Variants in NAV2 observed in about 807,000 individuals in gnomAD.
NAV2 encodes the protein neuron navigator 2.
In NAV2, 54 loss-of-function variants were observed where a neutral mutation model predicts 223.2. The ratio of observed to expected loss-of-function variants is 0.24; its 90% CI spans 0.19 to 0.30. The LOEUF is 0.30. Ranked by LOEUF, NAV2 falls within the 10% of genes least tolerant of loss-of-function variation. The probability of loss-of-function intolerance (pLI) is 1.00; values close to 1 mark genes in which losing one functional copy is unlikely to be tolerated. For synonymous variants in NAV2, 1,279 were observed against 1,239.3 expected (o/e 1.03, Z -0.67); for missense variants, 2,806 against 3,147.5 (o/e 0.89, Z 2.60).
At chr11:19,381,705 T>C (rs1002391439) in intron 1 of NAV2, among the ~76,000 whole-genome samples, 1 of 152,184 alleles carries the variant, frequency 6.6e-6, no homozygotes, top group African/African-American at 2.4e-5. Context: ...GCACTGGGTA[T>C]AAGTGGACCA....
At position 20,068,218 on chromosome 11, in the gene NAV2, C is replaced by G. The variant is rs1591960839; in HGVS notation, c.4908+9C>G. On this transcript the variant is annotated intron_variant, in intron 21 of 37. Transcript: ENST00000349880. ...AAAAATGCCAGTCAGAGGTAAGGAA[C>G]AGCTTTCTGGTTGGATTTCCTCTTT... 1.9e-6 allele frequency: 3 copies of G among 1,613,942 alleles called. No homozygotes were observed. Among genetic ancestry groups the G allele is most frequent in the South Asian group, 1.1e-5 (1 of 91,080 alleles).
chr11:19,809,112 T>G (rs2058728058), intron 1 of NAV2, among the ~76,000 whole-genome samples: 1 of 152,262 alleles, frequency 6.6e-6, no homozygotes, highest in African/African-American at 2.4e-5. Flanking sequence ...CCTGGAGTTT[T>G]GAATGGCTTC....
chr11:19,660,008 T>C lies in NAV2; in HGVS notation c.76-172476T>C, dbSNP rs183615953. Among the ~76,000 whole-genome samples the C allele has an allele frequency of 3.3e-5, 5 of 152,314 alleles. No individual in the cohort carries two copies. In the East Asian group the frequency reaches 9.6e-4, roughly 29 times the overall value. On this transcript the variant is annotated intron_variant, in intron 1 of 37. Transcript: ENST00000360655. Reference sequence around the variant, plus strand: ...TTAATACTAGTCTATTGATCATTTCTCTGCCTACCATTAAGAGATTGAGCC... The same window carrying C: ...TTAATACTAGTCTATTGATCATTTCCCTGCCTACCATTAAGAGATTGAGCC...
At chr11:19,836,654 G>A (rs1306900256) in intron 2 of NAV2, among the ~76,000 whole-genome samples, 1 of 152,146 alleles carries the variant, frequency 6.6e-6, no homozygotes, top group Non-Finnish European at 1.5e-5. Context: ...CCTGTGATGG[G>A]CAGCTTACTA....
At chr11:19,823,414 G>A (rs1476496060) in intron 1 of NAV2, among the ~76,000 whole-genome samples, 1 of 152,120 alleles carries the variant, frequency 6.6e-6, no homozygotes, top group Non-Finnish European at 1.5e-5. Flanking sequence ...CACCATGTTG[G>A]CCAGGCTGTT....
chr11:20,106,175 A>ATATATATGTGTGTGTGTGTGTG (rs11267537), intron 35 of NAV2, among the ~76,000 whole-genome samples: 2,857 of 35,540 alleles, frequency 0.08, 844 homozygotes, highest in Middle Eastern at 0.16. Context: ...ATATATATAT[A>ATATATATGTGTGTGTGTGTGTG]TGTGTGTGTA....
intron 1 of NAV2, among the ~76,000 whole-genome samples, chr11:19,534,477 T>C (rs1051844498): frequency 4.6e-5 from 7 of 152,100 alleles, no homozygotes; most frequent in Non-Finnish European, 1.0e-4. Flanking sequence ...CAGTGTCTCA[T>C]GGAAGGAGAG....
chr11:20,105,459 C>A, intron 34 of NAV2, 72 bp from the exon 35 acceptor site: 1 of 1,317,696 alleles, frequency 7.6e-7, no homozygotes, highest in Non-Finnish European at 1.1e-6. Context: ...TTCTAACGTG[C>A]TTTGGTTCCT....
intron 1 of NAV2, among the ~76,000 whole-genome samples, chr11:19,452,868 T>C (rs1851836736): frequency 6.6e-6 from 1 of 152,204 alleles, no homozygotes. Flanking sequence ...GTATTTCGAC[T>C]TTCATAATAA....
intron 3 of NAV2, among the ~76,000 whole-genome samples, chr11:19,859,957 C>T (rs1461148143): frequency 1.3e-4 from 18 of 136,182 alleles, no homozygotes; most frequent in Admixed American, 6.3e-4. Context: ...GCAGAGGTGC[C>T]CCTCACCTCC....
chr11:19,409,157 T>G lies in NAV2; in HGVS notation c.75+58130T>G, dbSNP rs187018236. On this transcript the variant is annotated intron_variant, in intron 1 of 37. Transcript: ENST00000360655. ...GTGAGCAAATCATTGGCCCACCCCA[T>G]GTCAGCCAAGCCTTTGGGAAACTAG... 8.5e-5 allele frequency among the ~76,000 whole-genome samples: 13 copies of G among 152,298 alleles called. No individual in the cohort carries two copies. In the East Asian group the frequency reaches 2.5e-3, roughly 29 times the overall value.
At chr11:19,700,031 T>TCCACA in intron 1 of NAV2, among the ~76,000 whole-genome samples, 1 of 152,322 alleles carries the variant, frequency 6.6e-6, no homozygotes, top group South Asian at 2.1e-4. Context: ...AATGGAAATT[T>TCCACA]CCACACATTC....
At chr11:19,420,475 A>G (rs74430887) in intron 1 of NAV2, among the ~76,000 whole-genome samples, 4,530 of 152,320 alleles carry the variant, frequency 0.03, 242 homozygotes, top group African/African-American at 0.1. Flanking sequence ...TAGAATGTTC[A>G]TAGCAACATT....
At chr11:20,082,459 CCT>C (rs1565017614) in intron 25 of NAV2, 8 of 827,002 alleles carry the variant, frequency 9.7e-6, no homozygotes, top group Non-Finnish European at 1.5e-5. Context: ...GGAAACCTCC[CCT>C]GTGTGTGGTG....
chr11:19,935,946 C>T (rs965668028), intron 7 of NAV2, among the ~76,000 whole-genome samples: 2 of 142,816 alleles, frequency 1.4e-5, no homozygotes, highest in African/African-American at 5.1e-5. Flanking sequence ...CAACCTCTGC[C>T]TCCCAGGTAC....
intron 1 of NAV2, among the ~76,000 whole-genome samples, chr11:19,394,441 C>T (rs1295934016): frequency 6.6e-6 from 1 of 152,198 alleles, no homozygotes; most frequent in Non-Finnish European, 1.5e-5. Context: ...ATATTCCAGG[C>T]ATACCCATGC....
At chr11:19,648,653 T>C (rs969428312) in intron 1 of NAV2, among the ~76,000 whole-genome samples, 9 of 152,194 alleles carry the variant, frequency 5.9e-5, no homozygotes, top group African/African-American at 2.2e-4. Flanking sequence ...GAGTGGTTGG[T>C]GATGGGGCCC....
At chr11:19,986,517 G>A (rs1388106566) in intron 11 of NAV2, among the ~76,000 whole-genome samples, 1 of 151,790 alleles carries the variant, frequency 6.6e-6, no homozygotes, top group African/African-American at 2.4e-5. Context: ...CTACTCGGGA[G>A]AGGGAGGCAT....
chr11:19,597,770 G>A (rs2046241259), intron 1 of NAV2, among the ~76,000 whole-genome samples: 1 of 152,268 alleles, frequency 6.6e-6, no homozygotes, highest in South Asian at 2.1e-4. Context: ...TTTAGCTGAA[G>A]GAGGTGGGGA....
Sources: gnomAD v4.1 joint callset for allele counts (sites outside exome capture counted in the v4.1 genomes callset) on GRCh38, gnomAD v4.1.1 for gene constraint, MANE v1.5 for transcripts, NCBI Gene and HGNC (gene_info 2026-07-23, HGNC 2026-07-21) for gene names.